ATP5F1D: variants seen among roughly 807,000 people sequenced by gnomAD.
The protein encoded by ATP5F1D is ATP synthase F(1) complex subunit delta, mitochondrial.
A neutral mutation model predicts 13.0 loss-of-function variants in ATP5F1D; 16 were observed. That is an observed-to-expected ratio of 1.23 (90% confidence interval 0.83 to 1.87). The LOEUF is 1.87. Among genes scored for constraint, ATP5F1D ranks in the 40% most tolerant of loss-of-function variants. ATP5F1D has a pLI of 0.00. For synonymous variants in ATP5F1D, 129 were observed against 116.2 expected (o/e 1.11, Z -0.71); for missense variants, 294 against 246.2 (o/e 1.19, Z -1.30).
chr19:1,243,159 G>A (rs950781272), intron 2 of ATP5F1D: 1 of 152,590 alleles, frequency 6.6e-6, no homozygotes, highest in African/African-American at 2.4e-5. Context: ...GAACCAGAGG[G>A]GACCCTGCTC....
chr19:1,242,177 A>G, intron 1 of ATP5F1D, 186 bp downstream of exon 1: 2 of 892,522 alleles, frequency 2.2e-6, no homozygotes, highest in Non-Finnish European at 3.0e-6. Context: ...CGTCCCGGGC[A>G]CCTCCCCGAG....
Position 1,244,795 on chromosome 19 carries a change from C to G in ATP5F1D, c.*358C>G, listed in dbSNP as rs578109813. 1 of 272,894 alleles carries G rather than the reference C, an allele frequency of 3.7e-6. No individual in the cohort carries two copies. Among genetic ancestry groups the G allele is most frequent in the Non-Finnish European group, 7.1e-6 (1 of 140,918 alleles). 16.9% of individuals were successfully genotyped at this position (272,894 alleles called of 1,614,324 possible). The stretch of plus-strand genomic sequence containing the variant: ...CCACCTCTGGATGAACTGCCCCCAG[C>G]CCCCGCCCCATTAAAGACCCGGAAG... On this transcript the variant is annotated 3_prime_UTR_variant, in exon 4 of 4. Transcript: ENST00000215375.
chr19:1,241,897 T>TCCGCCACGC lies in ATP5F1D; in HGVS notation c.51_59dup (p.His18_Arg20dup). 6.8e-7 allele frequency: 1 copy of TCCGCCACGC among 1,460,384 alleles called. No homozygotes were observed. Among genetic ancestry groups the TCCGCCACGC allele is most frequent in the Non-Finnish European group, 9.0e-7 (1 of 1,109,110 alleles). The allele number at this position is 1,460,384 out of a possible 1,614,324, so 90.5% of individuals were successfully genotyped here. ...CGCCGCCCGGGACTTGGCCGCCTCGTCCGCCACGCCCGTGCCTATGCCGAG... is the reference window on the plus strand; with the variant it reads ...CGCCGCCCGGGACTTGGCCGCCTCGTCCGCCACGCCCGCCACGCCCGTGCCTATGCCGAG... On this transcript the variant is annotated inframe_insertion, in exon 1 of 4. Coordinates refer to ENST00000215375, the MANE Select transcript of ATP5F1D (RefSeq NM_001687.5).
At position 1,244,475 on chromosome 19, in the gene ATP5F1D, C is replaced by A; in HGVS notation, c.*38C>A. 1.3e-6 allele frequency: 2 copies of A among 1,539,546 alleles called. No homozygotes were observed. The highest frequency in any genetic ancestry group is 1.2e-5 in the South Asian group (1 of 83,512). On this transcript the variant is annotated 3_prime_UTR_variant, in exon 4 of 4. Transcript: ENST00000215375. ...CGGTGTCCCGAGGCCCGGCCAGGGGCTGGGCAGGGATGCCAGGTGGGCCCA... is the reference window on the plus strand; with the variant it reads ...CGGTGTCCCGAGGCCCGGCCAGGGGATGGGCAGGGATGCCAGGTGGGCCCA...
rs1048734497 is a variant in ATP5F1D at position 1,244,682 on chromosome 19, C to T, written c.*245C>T. The T allele has an allele frequency of 1.8e-6, 1 of 570,630 alleles. No homozygotes were observed. The highest frequency in any genetic ancestry group is 3.0e-6 in the Non-Finnish European group (1 of 334,768). 35.3% of individuals were successfully genotyped at this position (570,630 alleles called of 1,614,324 possible). A position where few individuals can be genotyped will look rare whatever the true frequency, so the allele number is the denominator to read the frequency against. ...TGCCACCCATGGGGCTCTCCTTCCG[C>T]CTCTCAAGATCCCCCCAGCCTGACG... On this transcript the variant is annotated 3_prime_UTR_variant, in exon 4 of 4. Coordinates refer to ENST00000215375, the MANE Select transcript of ATP5F1D (RefSeq NM_001687.5).
chr19:1,241,752 G>C lies in ATP5F1D; in HGVS notation c.-99G>C. 1 of 1,218,328 alleles carries C rather than the reference G, an allele frequency of 8.2e-7. No homozygotes were observed. The highest frequency in any genetic ancestry group is 1.0e-6 in the Non-Finnish European group (1 of 975,104). The allele number at this position is 1,218,328 out of a possible 1,614,324, so 75.5% of individuals were successfully genotyped here. A position where few individuals can be genotyped will look rare whatever the true frequency, so the allele number is the denominator to read the frequency against. ...GCTCTCGCCGGGACTCCTCCTCCCA[G>C]ACGTCCCTGCGCGTCGTCCTCCTCG... On this transcript the variant is annotated 5_prime_UTR_variant, in exon 1 of 4. Transcript: ENST00000215375.
chr19:1,242,398 G>C (rs2145471729), intron 1 of ATP5F1D, 58 bp from the exon 2 acceptor site: 1 of 1,444,306 alleles, frequency 6.9e-7, no homozygotes, highest in Middle Eastern at 2.5e-4. Context: ...CAGGCCGAGT[G>C]CCCGGTGGGC....
In ATP5F1D at chr19:1,244,116, A is replaced by C; in HGVS notation, c.315A>C (p.Ala105=). The C allele has an allele frequency of 2.5e-6, 4 of 1,611,396 alleles. No homozygotes were observed. The highest frequency in any genetic ancestry group is 2.5e-6 in the Non-Finnish European group (3 of 1,178,982). The change falls in exon 3 of 4, where the codon GCA becomes GCC. Residue 105 remains alanine, a synonymous_variant. Transcript: ENST00000215375. The stretch of plus-strand genomic sequence containing the variant: ...CCCCAGTGAGCAGCGGTTCCATCGC[A>C]GTGAACGCCGACTCTTCGGTGCAGT... ...SKYFVSSGSI[A]VNADSSVQLL...
At position 1,241,868 on chromosome 19, in the gene ATP5F1D, G is replaced by A; in HGVS notation, c.18G>A (p.Leu6=). 2.2e-6 allele frequency: 3 copies of A among 1,394,364 alleles called. No homozygotes were observed. The highest frequency in any genetic ancestry group is 3.1e-5 in the South Asian group (2 of 64,294). 86.4% of individuals were successfully genotyped at this position (1,394,364 alleles called of 1,614,324 possible). Residue 6 remains leucine (L), a synonymous_variant, in exon 1 of 4, where the codon CTG becomes CTA. Transcript: ENST00000215375. The stretch of plus-strand genomic sequence containing the variant: ...CCGCTGCCATGCTGCCCGCCGCGCT[G>A]CTCCGCCGCCCGGGACTTGGCCGCC... MLPAA[L]LRRPGLGRLV...
rs765121709 is a variant in ATP5F1D, at chr19:1,242,418, G to C, written c.142-38G>C. The C allele has an allele frequency of 4.1e-6, 6 of 1,468,910 alleles. No individual in the cohort carries two copies. The African/African-American group carries it at 5.7e-5, about 14-fold the overall frequency. 91.0% of individuals were successfully genotyped at this position (1,468,910 alleles called of 1,614,324 possible). On this transcript the variant is annotated intron_variant, in intron 1 of 3. Transcript: ENST00000215375. The stretch of plus-strand genomic sequence containing the variant: ...CGAGTGCCCGGTGGGCGCGGGGCCG[G>C]CCTGCCCCGCCATCATTCCCCACGC...
intron 1 of ATP5F1D, 36 bp downstream of exon 1, chr19:1,242,027 C>A: frequency 1.5e-6 from 2 of 1,367,178 alleles, no homozygotes; most frequent in Non-Finnish European, 1.9e-6. Context: ...TCCGTGGCCG[C>A]CGCCCCCGGA....
In ATP5F1D at chr19:1,242,616, C is replaced by A; in HGVS notation, c.295+7C>A. 6.7e-7 allele frequency: 1 copy of A among 1,503,742 alleles called. No individual in the cohort carries two copies. Among genetic ancestry groups the A allele is most frequent in the Non-Finnish European group, 9.0e-7 (1 of 1,116,440 alleles). 93.1% of individuals were successfully genotyped at this position (1,503,742 alleles called of 1,614,324 possible). On this transcript the variant is annotated splice_region_variant and intron_variant, in intron 2 of 3. Transcript: ENST00000215375. ...ACCACCTCCAAATACTTTGGTGAGT[C>A]CGGTGGAGGGCTGCAGGGCCAGGCC... is the stretch of plus-strand genomic sequence containing the variant.
rs1347461074 is a variant in ATP5F1D, at chr19:1,241,859, C to T, written c.9C>T (p.Pro3=). Residue 3 remains proline (P), a synonymous_variant, in exon 1 of 4, where the codon CCC becomes CCT. Transcript: ENST00000215375. ML[P]AALLRRPGLG... ...TGCCGCCCGCCGCTGCCATGCTGCC[C>T]GCCGCGCTGCTCCGCCGCCCGGGAC... 2.9e-6 allele frequency: 4 copies of T among 1,376,148 alleles called. No homozygotes were observed. Among genetic ancestry groups the T allele is most frequent in the Admixed American group, 6.5e-5 (2 of 31,002 alleles). The allele number at this position is 1,376,148 out of a possible 1,614,324, so 85.2% of individuals were successfully genotyped here.
In ATP5F1D at chr19:1,244,477, G is replaced by A. The variant is rs760754622; in HGVS notation, c.*40G>A. 6 of 1,535,784 alleles carry A rather than the reference G, an allele frequency of 3.9e-6. No homozygotes were observed. Among genetic ancestry groups the A allele is most frequent in the Non-Finnish European group, 5.3e-6 (6 of 1,137,798 alleles). The stretch of plus-strand genomic sequence containing the variant: ...GTGTCCCGAGGCCCGGCCAGGGGCT[G>A]GGCAGGGATGCCAGGTGGGCCCAGC... On this transcript the variant is annotated 3_prime_UTR_variant, in exon 4 of 4. Coordinates refer to ENST00000215375, the MANE Select transcript of ATP5F1D (RefSeq NM_001687.5).
chr19:1,242,693 G>A (rs2081043811), intron 2 of ATP5F1D, 84 bp downstream of exon 2: 6 of 1,378,064 alleles, frequency 4.4e-6, no homozygotes, highest in Non-Finnish European at 5.7e-6. Context: ...GAGGCTGCGA[G>A]AAAAAATAGT....
chr19:1,244,710 C>T lies in ATP5F1D; in HGVS notation c.*273C>T. 1 of 474,426 alleles carries T rather than the reference C, an allele frequency of 2.1e-6. No individual in the cohort carries two copies. Among genetic ancestry groups the T allele is most frequent in the Non-Finnish European group, 3.7e-6 (1 of 268,528 alleles). The allele number at this position is 474,426 out of a possible 1,614,324, so 29.4% of individuals were successfully genotyped here. ...CTCAAGATCCCCCCAGCCTGACGGG[C>T]CGCTTACCATCCCCTCTGCCCTGCA... On this transcript the variant is annotated 3_prime_UTR_variant, in exon 4 of 4. Coordinates refer to ENST00000215375, the MANE Select transcript of ATP5F1D (RefSeq NM_001687.5).
chr19:1,244,133 C>T lies in ATP5F1D; in HGVS notation c.332C>T (p.Ser111Leu), dbSNP rs374169627. The T allele has an allele frequency of 5.5e-5, 89 of 1,612,084 alleles. No individual in the cohort carries two copies. Among genetic ancestry groups the T allele is most frequent in the African/African-American group, 6.7e-5 (5 of 74,888 alleles). ...TCCATCGCAGTGAACGCCGACTCTTCGGTGCAGTTGTTGGCCGAAGAGGCC... is the reference window on the plus strand; with the variant it reads ...TCCATCGCAGTGAACGCCGACTCTTTGGTGCAGTTGTTGGCCGAAGAGGCC... ...SGSIAVNADSSVQLLAEEAVT... is the reference protein window; with the variant it reads ...SGSIAVNADSLVQLLAEEAVT... The change falls in exon 3 of 4, where the codon TCG becomes TTG. Residue 111 changes from serine to leucine, a missense_variant. Transcript: ENST00000215375.
chr19:1,242,282 G>A lies in ATP5F1D; in HGVS notation c.142-174G>A, dbSNP rs1191950837. On this transcript the variant is annotated intron_variant, in intron 1 of 3. Transcript: ENST00000215375. ...CCCATTTCGCGGATCAGTAGAATGA[G>A]GCGCAACTGTTGAGGACCAAAGCTG... The A allele has an allele frequency of 3.5e-5, 30 of 849,154 alleles. No individual in the cohort carries two copies. In the South Asian group the frequency reaches 5.3e-4, roughly 15 times the overall value. The allele number at this position is 849,154 out of a possible 1,614,324, so 52.6% of individuals were successfully genotyped here. A position where few individuals can be genotyped will look rare whatever the true frequency, so the allele number is the denominator to read the frequency against.
chr19:1,242,054 C>A, intron 1 of ATP5F1D, 63 bp downstream of exon 1: 1 of 1,311,712 alleles, frequency 7.6e-7, no homozygotes, highest in Non-Finnish European at 9.7e-7. Context: ...GGTCCCCACC[C>A]CCAGGGCGCG....
Sources: allele counts gnomAD v4.1 joint callset, GRCh38; gene constraint gnomAD v4.1.1; transcripts MANE v1.5; gene names NCBI Gene and HGNC (gene_info 2026-07-23, HGNC 2026-07-21).